The following EIF2D variants were observed in gnomAD, a reference collection of about 807,000 sequenced individuals.
EIF2D encodes eukaryotic translation initiation factor 2D.
EIF2D carries 56 observed loss-of-function variants against 77.4 expected under a neutral mutation model. That is an observed-to-expected ratio of 0.72 (90% CI 0.58 to 0.90). The LOEUF is 0.90. Ranked by LOEUF, EIF2D falls within the 40% of genes least tolerant of loss-of-function variation. The pLI, the probability that EIF2D is intolerant of heterozygous loss-of-function variation, is 0.00. For synonymous variants in EIF2D, 230 were observed against 271.0 expected, an observed-to-expected ratio of 0.85 and a Z score of 1.49; for missense variants, 574 against 706.5, an observed-to-expected ratio of 0.81 and a Z score of 2.13.
intron 4 of EIF2D, among the ~76,000 whole-genome samples, chr1:206,578,950 G>A (rs943779543): frequency 6.6e-6 from 1 of 152,182 alleles, no homozygotes; most frequent in East Asian, 1.9e-4. Context: ...TCTGCCCTGA[G>A]TTAGGCCCCA....
chr1:206,589,501 G>A (rs1314671474), downstream of EIF2D: 1 of 152,214 alleles, frequency 6.6e-6, no homozygotes, highest in Admixed American at 6.5e-5. Context: ...TGTCTCCGCA[G>A]TGCAAGAGAG....
In EIF2D at chr1:206,611,363, C is replaced by A. The variant is rs781806458; in HGVS notation, c.68G>T (p.Arg23Leu). ...GGGGAAAGCAGTTGTCACATCAGCTCGAAGCTTTCTCCTGTGGAAAGCACA... is the reference window on the plus strand; with the variant it reads ...GGGGAAAGCAGTTGTCACATCAGCTAGAAGCTTTCTCCTGTGGAAAGCACA... ...AIKGSDRRKL[R>L]ADVTTAFPTL... The change falls in exon 2 of 15, where the codon CGA (arginine) becomes CTA (leucine). Residue 23 changes from arginine (R) to leucine (L), a missense_variant. Coordinates refer to ENST00000271764, the MANE Select transcript of EIF2D (RefSeq NM_006893.3). The A allele has an allele frequency of 6.2e-7, 1 of 1,613,510 alleles. No homozygotes were observed. Among genetic ancestry groups the A allele is most frequent in the South Asian group, 1.1e-5 (1 of 91,030 alleles).
chr1:206,586,472 ACTC>A (rs1669114752), intron 2 of EIF2D: 1 of 219,632 alleles, frequency 4.6e-6, no homozygotes, highest in African/African-American at 2.4e-5. Flanking sequence ...TCCACGTTCC[ACTC>A]CTCCACCTGC....
In EIF2D at chr1:206,599,205, C is replaced by G; in HGVS notation, c.1203-113G>C. 9.5e-7 allele frequency: 1 copy of G among 1,050,324 alleles called. No homozygotes were observed. The allele number at this position is 1,050,324 out of a possible 1,614,324, so 65.1% of individuals were successfully genotyped here. A position where few individuals can be genotyped will look rare whatever the true frequency, so the allele number is the denominator to read the frequency against. On this transcript the variant is annotated intron_variant, in intron 10 of 14. Coordinates refer to ENST00000271764, the MANE Select transcript of EIF2D (RefSeq NM_006893.3). The surrounding 1 kb of genome is among the most constrained non-coding windows in gnomAD (Gnocchi z 4.1). ...GGGAACTTTCCTTAGCTTTCGGCCT[C>G]TAGTTTCTTCCCTTTTCCTGACTGA...
At chr1:206,593,504 A>AGTGTGTGTGTGCGC in intron 14 of EIF2D, 115 bp downstream of exon 14, 2 of 404,978 alleles carry the variant, frequency 4.9e-6, no homozygotes, top group Non-Finnish European at 7.5e-6. Flanking sequence ...AGAGAGAGAG[A>AGTGTGTGTGTGCGC]GAGAGTGTGT....
chr1:206,586,816 C>T (rs41303293), downstream of EIF2D: 7,256 of 1,609,488 alleles, frequency 4.5e-3, 50 homozygotes, highest in Admixed American at 0.024. Flanking sequence ...ATCTCCCTCT[C>T]GCCTCACAGT....
In EIF2D at chr1:206,593,716, C is replaced by T. The variant is rs1553409490; in HGVS notation, c.1587G>A (p.Gln529=). The change falls in exon 14 of 15, where the codon CAG becomes CAA. Residue 529 remains glutamine, a synonymous_variant. Transcript: ENST00000271764. Reference sequence around the variant, plus strand: ...GGGCAGGATTGACGGTGGTGCTAGCCTGGCATCGCTGCTGAAGGATGGCAG... The same window carrying T: ...GGGCAGGATTGACGGTGGTGCTAGCTTGGCATCGCTGCTGAAGGATGGCAG... ...SVAAILQQRC[Q]ASTTVNPAPG... is the part of the protein sequence containing the mutation. The T allele has an allele frequency of 1.9e-6, 3 of 1,613,770 alleles. No individual in the cohort carries two copies. The highest frequency in any genetic ancestry group is 3.3e-5 in the Admixed American group (2 of 59,986).
intron 8 of EIF2D, 105 bp downstream of exon 8, chr1:206,600,158 A>G (rs1261953771): frequency 8.3e-7 from 1 of 1,199,820 alleles, no homozygotes; most frequent in Non-Finnish European, 1.2e-6. Flanking sequence ...GCTTAATTCT[A>G]GACTGAGCCT....
chr1:206,599,593 G>A lies in EIF2D; in HGVS notation c.1072C>T (p.Pro358Ser). 6.3e-7 allele frequency: 1 copy of A among 1,599,656 alleles called. No individual in the cohort carries two copies. The highest frequency in any genetic ancestry group is 2.2e-5 in the East Asian group (1 of 44,740). Residue 358 changes from proline to serine, a missense_variant, in exon 10 of 15, where the codon CCC (proline) becomes TCC (serine). By Grantham distance (74) the Pro-to-Ser change is moderately conservative. Coordinates refer to ENST00000271764, the MANE Select transcript of EIF2D (RefSeq NM_006893.3). The surrounding 1 kb of genome is among the most constrained non-coding windows in gnomAD (Gnocchi z 4.1). ...GTCTGGGAGGTCGGGGAGGGCTCGG[G>A]TATGACGAAAGATGTAATCCTAAAA... ...KHPRITSFVI[P>S]EPSPTSQTIQ...
At position 206,598,997 on chromosome 1, in the gene EIF2D, A is replaced by G. The variant is rs781819549; in HGVS notation, c.1292+6T>C. On this transcript the variant is annotated splice_donor_region_variant and intron_variant, in intron 11 of 14. Transcript: ENST00000271764. ...AAGACAGATCTGGTGCTTCTCATGC[A>G]CTCACTTTTTGTTGTCTGCATCAAC... is the stretch of plus-strand genomic sequence containing the variant. 5 of 1,613,954 alleles carry G rather than the reference A, an allele frequency of 3.1e-6. No homozygotes were observed. In the Admixed American group the frequency reaches 8.3e-5, roughly 27 times the overall value.
chr1:206,591,988 C>T, intron 14 of EIF2D, 143 bp from the exon 15 acceptor site: 2 of 709,784 alleles, frequency 2.8e-6, no homozygotes, highest in South Asian at 1.6e-5. Context: ...CTACACCTCA[C>T]AGCTGATGTG....
At chr1:206,591,996 G>A in intron 14 of EIF2D, 151 bp from the exon 15 acceptor site, 1 of 687,588 alleles carries the variant, frequency 1.5e-6, no homozygotes, top group East Asian at 2.6e-5. Context: ...CACAGCTGAT[G>A]TGTATATTTC....
At chr1:206,582,173 G>C (rs1465756778) in intron 2 of EIF2D, among the ~76,000 whole-genome samples, 1 of 152,198 alleles carries the variant, frequency 6.6e-6, no homozygotes, top group African/African-American at 2.4e-5. Flanking sequence ...GAACTTGAGA[G>C]AGAGCCAGAG....
intron 1 of EIF2D, 29 bp from the exon 2 acceptor site, chr1:206,611,403 G>A (rs75794324): frequency 0.012 from 18,711 of 1,591,884 alleles, 154 homozygotes; most frequent in Non-Finnish European, 0.015. Context: ...CACTGTGAAT[G>A]CTGCCTGGAC....
rs1199964677 is a variant in EIF2D at position 206,579,226 on chromosome 1, T to G, written c.*254+1466A>C. On this transcript the variant is annotated intron_variant and NMD_transcript_variant, in intron 4 of 5. Coordinates refer to the EIF2D transcript ENST00000472709. This position sits in a 1 kb window ranked among gnomAD's most constrained non-coding sequence, Gnocchi z 4.2. ...GCCATCTGCCACCAATGCCAGGGGC[T>G]TAATCGGAATAGATGAATTCCATGC... Among the ~76,000 whole-genome samples the G allele has an allele frequency of 1.3e-5, 2 of 152,234 alleles. No individual in the cohort carries two copies. Among genetic ancestry groups the G allele is most frequent in the Non-Finnish European group, 2.9e-5 (2 of 68,032 alleles).
intron 3 of EIF2D, among the ~76,000 whole-genome samples, chr1:206,608,880 T>C (rs552951766): frequency 4.6e-5 from 7 of 152,010 alleles, no homozygotes; most frequent in Non-Finnish European, 7.3e-5. Flanking sequence ...GATGAAACCC[T>C]GTCTCTACTA....
intron 2 of EIF2D, chr1:206,585,111 T>C (rs990398420): frequency 8.4e-7 from 1 of 1,196,954 alleles, no homozygotes. Flanking sequence ...TTTCCAATCC[T>C]TTCCCGCAAG....
chr1:206,591,563 C>T (rs1572384045), downstream of EIF2D: 1 of 594,812 alleles, frequency 1.7e-6, no homozygotes, highest in East Asian at 2.8e-5. Flanking sequence ...ACCGTGACCT[C>T]TTCTGTCCAT....
intron 1 of EIF2D, 110 bp from the exon 2 acceptor site, chr1:206,611,484 T>A: frequency 1.2e-6 from 1 of 857,856 alleles, no homozygotes; most frequent in Non-Finnish European, 1.8e-6. Flanking sequence ...AAAGAAAGAT[T>A]GCCTGGTTTA....
Sources: allele counts gnomAD v4.1 joint callset (sites outside exome capture counted in the v4.1 genomes callset), GRCh38; gene constraint gnomAD v4.1.1; non-coding constraint Gnocchi (gnomAD v3.1); transcripts MANE v1.5; gene names NCBI Gene and HGNC (gene_info 2026-07-23, HGNC 2026-07-21).